The following RORC variants were observed in gnomAD, a reference collection of about 807,000 sequenced individuals.
RORC encodes RAR related orphan receptor C, also known as nuclear receptor ROR-gamma.
In RORC, 13 loss-of-function variants were observed where a neutral mutation model predicts 64.5. The ratio of observed to expected loss-of-function variants is 0.20; its 90% CI spans 0.13 to 0.32. The LOEUF (loss-of-function observed/expected upper bound fraction) is 0.32. Among genes scored for constraint, RORC ranks in the 10% least tolerant of loss-of-function variants. The probability of loss-of-function intolerance (pLI) is 1.00; values close to 1 mark genes in which losing one functional copy is unlikely to be tolerated. For synonymous variants in RORC, 277 were observed against 259.3 expected (o/e 1.07, Z -0.65); for missense variants, 468 against 669.5 (o/e 0.70, Z 3.32).
rs189477300 is a variant in RORC at position 151,807,309 on chromosome 1, C to T, written c.*163G>A. 3.7e-5 allele frequency: 23 copies of T among 626,594 alleles called. No homozygotes were observed. Among genetic ancestry groups the T allele is most frequent in the Middle Eastern group, 4.3e-4 (1 of 2,300 alleles). 38.8% of individuals were successfully genotyped at this position (626,594 alleles called of 1,614,324 possible). A position where few individuals can be genotyped will look rare whatever the true frequency, so the allele number is the denominator to read the frequency against. On this transcript the variant is annotated 3_prime_UTR_variant, in exon 11 of 11. Transcript: ENST00000318247. The surrounding 1 kb of genome is among the most constrained non-coding windows in gnomAD (Gnocchi z 5.0). ...TCTGGCGATTGTCCCACTGCCAGGC[C>T]GGCCTGCTGACAGAAAGCCAGCCGC...
chr1:151,813,076 G>T lies in RORC; in HGVS notation c.1175-19C>A. 6.3e-7 allele frequency: 1 copy of T among 1,586,036 alleles called. No individual in the cohort carries two copies. Among genetic ancestry groups the T allele is most frequent in the Non-Finnish European group, 8.7e-7 (1 of 1,154,494 alleles). ...CTGCAGCCTGATGGAGTGGAAATGA[G>T]AAAAGTGAGAGAGTGGCTGGAGCGA... On this transcript the variant is annotated intron_variant, in intron 8 of 10. Coordinates refer to ENST00000318247, the MANE Select transcript of RORC (RefSeq NM_005060.4).
intron 2 of RORC, among the ~76,000 whole-genome samples, chr1:151,826,943 C>A (rs1017796662): frequency 2.0e-5 from 3 of 152,084 alleles, no homozygotes; most frequent in Admixed American, 6.5e-5. Context: ...CATGGTGAAA[C>A]CCCATCTCTA....
Position 151,811,499 on chromosome 1 carries a change from G to A in RORC, c.1286-65C>T, listed in dbSNP as rs1443280845. 6 of 1,004,018 alleles carry A rather than the reference G, an allele frequency of 6.0e-6. No individual in the cohort carries two copies. The Admixed American group carries it at 1.2e-4, about 20-fold the overall frequency. 62.2% of individuals were successfully genotyped at this position (1,004,018 alleles called of 1,614,324 possible). A position where few individuals can be genotyped will look rare whatever the true frequency, so the allele number is the denominator to read the frequency against. ...ACATGGACATTAACTCCCAACAAAA[G>A]GGTGTATCTTTGTGGACATCTGTGC... On this transcript the variant is annotated intron_variant, in intron 9 of 10. Transcript: ENST00000318247.
At chr1:151,809,042 T>C (rs968053857) in intron 10 of RORC, among the ~76,000 whole-genome samples, 1 of 152,158 alleles carries the variant, frequency 6.6e-6, no homozygotes, top group African/African-American at 2.4e-5. Context: ...TATGAGCCAC[T>C]TGACCATGAC....
In RORC at chr1:151,815,197, AGGCCAG is replaced by A; in HGVS notation, c.521_526del (p.Pro174_Gly175del). 1 of 1,614,078 alleles carries A rather than the reference AGGCCAG, an allele frequency of 6.2e-7. No individual in the cohort carries two copies. The highest frequency in any genetic ancestry group is 1.7e-4 in the Middle Eastern group (1 of 6,050). On this transcript the variant is annotated inframe_deletion, in exon 5 of 11. Coordinates refer to ENST00000318247, the MANE Select transcript of RORC (RefSeq NM_005060.4). ...GGGCCCAGAGCCTGAGGCTTTCAGG[AGGCCAG>A]GGGGACAGGCAGAAGCCTCAGGCAG...
chr1:151,810,709 T>G (rs1260331439), intron 10 of RORC, among the ~76,000 whole-genome samples: 1 of 152,104 alleles, frequency 6.6e-6, no homozygotes, highest in Non-Finnish European at 1.5e-5. Context: ...TTTTTTTTAT[T>G]TTTAGTAGAG....
At chr1:151,831,647 C>T (rs878942568) in intron 1 of RORC, 78 bp downstream of exon 1, 2 of 1,607,360 alleles carry the variant, frequency 1.2e-6, no homozygotes, top group South Asian at 2.2e-5. Flanking sequence ...ACTTCTTGCC[C>T]AGTCTCTTGC....
At chr1:151,825,201 C>T (rs1230447327) in intron 2 of RORC, among the ~76,000 whole-genome samples, 9 of 152,152 alleles carry the variant, frequency 5.9e-5, no homozygotes, top group Non-Finnish European at 2.9e-5. Context: ...AATCCCATCT[C>T]CATTGCCTTG....
intron 10 of RORC, among the ~76,000 whole-genome samples, chr1:151,810,543 T>TTTTG: frequency 6.6e-6 from 1 of 151,854 alleles, no homozygotes; most frequent in South Asian, 2.1e-4. Context: ...ATTTTTTTTT[T>TTTTG]TTTTTTGAGA....
chr1:151,816,795 C>A lies in RORC; in HGVS notation c.167G>T (p.Arg56Leu). 1 of 1,539,644 alleles carries A rather than the reference C, an allele frequency of 6.5e-7. No individual in the cohort carries two copies. Among genetic ancestry groups the A allele is most frequent in the Admixed American group, 1.9e-5 (1 of 53,600 alleles). The change falls in exon 4 of 11, where the codon CGC becomes CTC. Residue 56 changes from arginine (R) to leucine (L), a missense_variant. Physicochemically the swap from Arg to Leu is moderately radical, Grantham distance 102. Coordinates refer to ENST00000318247, the MANE Select transcript of RORC (RefSeq NM_005060.4). ...GGCCGCGTTACAGCGCTGGCTCCGG[C>A]GGAAGAAGCCCTGGGGAAAGCAGGT... is the stretch of plus-strand genomic sequence containing the variant. Reference protein sequence around the residue: ...ITCEGCKGFFRRSQRCNAAYS... With the variant: ...ITCEGCKGFFLRSQRCNAAYS...
At chr1:151,815,498 G>A (rs1384237023) in intron 4 of RORC, 73 bp from the exon 5 acceptor site, 1 of 1,482,346 alleles carries the variant, frequency 6.7e-7, no homozygotes, top group Middle Eastern at 1.9e-4. Flanking sequence ...GGAGGCATTT[G>A]GTCATTAAAG....
intron 7 of RORC, 27 bp downstream of exon 7, chr1:151,813,461 C>T: frequency 1.2e-6 from 2 of 1,613,842 alleles, no homozygotes; most frequent in Non-Finnish European, 8.5e-7. Flanking sequence ...CCCTTGTCCC[C>T]AGGCCTGCCC....
intron 2 of RORC, among the ~76,000 whole-genome samples, chr1:151,826,911 A>C (rs1214869794): frequency 6.6e-6 from 1 of 152,174 alleles, no homozygotes; most frequent in Admixed American, 6.5e-5. Context: ...TGAGGTTAGG[A>C]GTTCGAGACC....
Position 151,830,794 on chromosome 1 carries a change from C to T in RORC, c.40+931G>A, listed in dbSNP as rs1652381719. ...AAAGACTGCCCCGAGGTGGCAAGGC[C>T]CCACCCAGCCCCGCCCACCTCCCCT... On this transcript the variant is annotated intron_variant, in intron 1 of 10. Transcript: ENST00000318247. This position sits in a 1 kb window ranked among gnomAD's most constrained non-coding sequence, Gnocchi z 4.0. The T allele has an allele frequency of 7.4e-6, 3 of 404,080 alleles. No homozygotes were observed. The highest frequency in any genetic ancestry group is 9.4e-4 in the Middle Eastern group (1 of 1,066). 25.0% of individuals were successfully genotyped at this position (404,080 alleles called of 1,614,324 possible). A position where few individuals can be genotyped will look rare whatever the true frequency, so the allele number is the denominator to read the frequency against.
rs202132158 is a variant in RORC at position 151,807,386 on chromosome 1, G to A, written c.*86C>T. On this transcript the variant is annotated 3_prime_UTR_variant, in exon 11 of 11. Coordinates refer to ENST00000318247, the MANE Select transcript of RORC (RefSeq NM_005060.4). This position sits in a 1 kb window ranked among gnomAD's most constrained non-coding sequence, Gnocchi z 5.0. Reference sequence around the variant, plus strand: ...GTGGGGACCACCCTCCAGGGTTCATGGGAAAGGAAAAGGGTGAGGGTGGAA... The same window carrying A: ...GTGGGGACCACCCTCCAGGGTTCATAGGAAAGGAAAAGGGTGAGGGTGGAA... The A allele has an allele frequency of 7.1e-7, 1 of 1,405,028 alleles. No individual in the cohort carries two copies. The highest frequency in any genetic ancestry group is 9.8e-7 in the Non-Finnish European group (1 of 1,019,858). The allele number at this position is 1,405,028 out of a possible 1,614,324, so 87.0% of individuals were successfully genotyped here. A position where few individuals can be genotyped will look rare whatever the true frequency, so the allele number is the denominator to read the frequency against.
intron 8 of RORC, 69 bp from the exon 9 acceptor site, chr1:151,813,126 T>C (rs1651604466): frequency 1.4e-6 from 2 of 1,464,270 alleles, no homozygotes; most frequent in East Asian, 2.3e-5. Context: ...ACCGCCCTTA[T>C]TGTGTTTAGA....
intron 10 of RORC, 42 bp downstream of exon 10, chr1:151,811,283 A>G (rs2101653592): frequency 7.7e-7 from 1 of 1,300,516 alleles, no homozygotes; most frequent in Non-Finnish European, 1.1e-6. Context: ...TTACAGAGCT[A>G]GCGATGGGCC....
chr1:151,817,862 G>C (rs1297913718), intron 2 of RORC, among the ~76,000 whole-genome samples: 2 of 152,236 alleles, frequency 1.3e-5, no homozygotes, highest in Admixed American at 1.3e-4. Flanking sequence ...AGGAAACGGG[G>C]GCTCAACACC....
chr1:151,825,968 C>T (rs1251449658), intron 2 of RORC: 7 of 1,612,448 alleles, frequency 4.3e-6, no homozygotes, highest in Non-Finnish European at 8.5e-7. Context: ...GCCTTGGCTC[C>T]CTGTCCTTCT....
Sources: gnomAD v4.1 joint callset for allele counts (sites outside exome capture counted in the v4.1 genomes callset) on GRCh38, gnomAD v4.1.1 for gene constraint, Gnocchi (gnomAD v3.1) non-coding constraint, MANE v1.5 for transcripts, NCBI Gene and HGNC (gene_info 2026-07-23, HGNC 2026-07-21) for gene names.